MAEA: variants seen among roughly 807,000 people sequenced by gnomAD.
The protein encoded by MAEA is E3 ubiquitin-protein transferase MAEA.
In MAEA, 22 loss-of-function variants were observed where a neutral mutation model predicts 46.2. The ratio of observed to expected loss-of-function variants is 0.48; its 90% confidence interval spans 0.34 to 0.68. MAEA has a LOEUF of 0.68. Ranked by LOEUF, MAEA falls within the 30% of genes least tolerant of loss-of-function variation. The pLI, the probability that MAEA is intolerant of heterozygous loss-of-function variation, is 0.01. For synonymous variants in MAEA, 246 were observed against 222.6 expected, an observed-to-expected ratio of 1.11 and a Z score of -0.94; for missense variants, 393 against 558.1, an observed-to-expected ratio of 0.70 and a Z score of 2.98.
At position 1,315,481 on chromosome 4, in the gene MAEA, C is replaced by A. The variant is rs1449494794; in HGVS notation, c.337C>A (p.Gln113Lys). The stretch of plus-strand genomic sequence containing the variant: ...GCACCTCAAAGAGCATAGCAGCGAC[C>A]AGCCCGCGGCGGCCAGCGTGTGGAA... ...IEHLKEHSSD[Q>K]PAAASVWKRK... The change falls in exon 3 of 9, where the codon CAG becomes AAG. Residue 113 changes from glutamine to lysine, a missense_variant. By Grantham distance (53) the Gln-to-Lys change is moderately conservative. Transcript: ENST00000303400. 6.8e-6 allele frequency: 11 copies of A among 1,613,888 alleles called. No homozygotes were observed. The highest frequency in any genetic ancestry group is 7.6e-6 in the Non-Finnish European group (9 of 1,180,004).
chr4:1,338,880 G>T (rs536769959), intron 8 of MAEA, 194 bp from the exon 9 acceptor site: 3 of 658,736 alleles, frequency 4.6e-6, no homozygotes, highest in Non-Finnish European at 8.0e-6. Context: ...CCTTAGCTTC[G>T]TTCGAAATGG....
At chr4:1,300,558 C>T (rs912178044) in intron 1 of MAEA, among the ~76,000 whole-genome samples, 4 of 152,264 alleles carry the variant, frequency 2.6e-5, no homozygotes, top group African/African-American at 9.6e-5. Flanking sequence ...GGCACTGGAC[C>T]GCGTGGGGCA....
At chr4:1,304,576 G>C (rs1037832140) in intron 1 of MAEA, among the ~76,000 whole-genome samples, 1 of 152,110 alleles carries the variant, frequency 6.6e-6, no homozygotes, top group African/African-American at 2.4e-5. Flanking sequence ...GAGTAGTTGG[G>C]ACTACAGGCA....
In MAEA at chr4:1,293,014, C is replaced by T. The variant is rs1006923327; in HGVS notation, c.69+3032C>T. ...ATTCAAGCAATTCTCCTACCTCAGC[C>T]TCCCGAGTAGCTGAGATTACAGGCA... On this transcript the variant is annotated intron_variant, in intron 1 of 8. Coordinates refer to ENST00000303400, the MANE Select transcript of MAEA (RefSeq NM_001017405.3). Among the ~76,000 whole-genome samples, 13 of 151,854 alleles carry T rather than the reference C, an allele frequency of 8.6e-5. 2 individuals carry two copies. Among genetic ancestry groups the T allele is most frequent in the East Asian group, 1.9e-4 (1 of 5,172 alleles).
intron 7 of MAEA, 37 bp downstream of exon 7, chr4:1,337,031 G>C: frequency 6.2e-7 from 1 of 1,607,764 alleles, no homozygotes; most frequent in South Asian, 1.1e-5. Context: ...GTTTGGCCTG[G>C]GGTTGGCATC....
At chr4:1,315,748 C>T in intron 3 of MAEA, 148 bp downstream of exon 3, 3 of 564,650 alleles carry the variant, frequency 5.3e-6, no homozygotes, top group Admixed American at 5.3e-5. Context: ...TCCCCTCCCC[C>T]CACCCCCGTG....
At chr4:1,303,417 T>C in intron 1 of MAEA, among the ~76,000 whole-genome samples, 1 of 62,084 alleles carries the variant, frequency 1.6e-5, no homozygotes, top group Non-Finnish European at 3.2e-5. Context: ...AAAAAGAATG[T>C]CATGTCCTTC....
At position 1,312,077 on chromosome 4, in the gene MAEA, G is replaced by A; in HGVS notation, c.168G>A (p.Lys56=). The A allele has an allele frequency of 1.2e-6, 2 of 1,613,938 alleles. No individual in the cohort carries two copies. The highest frequency in any genetic ancestry group is 1.1e-5 in the South Asian group (1 of 91,092). ...CCATGGTGGTGGCCGAGCTGGAGAA[G>A]ACGTTGAGCGGCTGCCCCGCCGTGG... The part of the protein sequence containing the change: ...HVTMVVAELE[K]TLSGCPAVDS... The change falls in exon 2 of 9, where the codon AAG becomes AAA. Residue 56 remains lysine, a synonymous_variant. Transcript: ENST00000303400.
chr4:1,306,376 G>A (rs973530393), intron 1 of MAEA, among the ~76,000 whole-genome samples: 1 of 152,160 alleles, frequency 6.6e-6, no homozygotes, highest in African/African-American at 2.4e-5. Flanking sequence ...CTAACCGGGC[G>A]AGGTGGCAGG....
intron 4 of MAEA, chr4:1,323,556 C>G: frequency 1.4e-6 from 1 of 702,552 alleles, no homozygotes; most frequent in Non-Finnish European, 2.6e-6. Flanking sequence ...AGTAGCTCCC[C>G]TAAAGAGAGT....
Position 1,339,131 on chromosome 4 carries a change from T to G in MAEA, c.1153T>G (p.Phe385Val). The change falls in exon 9 of 9, where the codon TTC (phenylalanine) becomes GTC (valine). Residue 385 changes from phenylalanine (F) to valine (V), a missense_variant. Physicochemically the swap from Phe to Val is conservative, Grantham distance 50. Transcript: ENST00000303400. ...CGTGTGCCCGAGAACCAAAGAAGTC[T>G]TCCACTTCTCACAAGCCGAGAAGGT... ...KVVCPRTKEV[F>V]HFSQAEKVYI... is the part of the protein sequence containing the mutation. 1 of 1,613,960 alleles carries G rather than the reference T, an allele frequency of 6.2e-7. No individual in the cohort carries two copies. Among genetic ancestry groups the G allele is most frequent in the East Asian group, 2.2e-5 (1 of 44,870 alleles).
At position 1,332,810 on chromosome 4, in the gene MAEA, G is replaced by A. The variant is rs1463564323; in HGVS notation, c.710G>A (p.Arg237His). 5.0e-6 allele frequency: 8 copies of A among 1,613,238 alleles called. No individual in the cohort carries two copies. The highest frequency in any genetic ancestry group is 1.1e-5 in the South Asian group (1 of 91,038). Reference sequence around the variant, plus strand: ...GAAGGGAGCCAGCTGGACGAGGTGCGCCAGGCCATGGGCATGCTGGCCTTC... The same window carrying A: ...GAAGGGAGCCAGCTGGACGAGGTGCACCAGGCCATGGGCATGCTGGCCTTC... ...QAEGSQLDEV[R>H]QAMGMLAFPP... Residue 237 changes from arginine (R) to histidine (H), a missense_variant, in exon 6 of 9, where the codon CGC (arginine) becomes CAC (histidine). Around this residue, in one of 2 missense-constraint regions of MAEA, gnomAD observed 358 missense variants for 537.9 expected, o/e 0.67. Coordinates refer to ENST00000303400, the MANE Select transcript of MAEA (RefSeq NM_001017405.3).
chr4:1,291,555 CT>C (rs1734110260), intron 1 of MAEA, among the ~76,000 whole-genome samples: 1 of 152,180 alleles, frequency 6.6e-6, no homozygotes, highest in Non-Finnish European at 1.5e-5. Flanking sequence ...CCACTGACCA[CT>C]TTGTCTCACG....
intron 1 of MAEA, among the ~76,000 whole-genome samples, chr4:1,302,416 T>C (rs1159998301): frequency 6.6e-6 from 1 of 152,228 alleles, no homozygotes; most frequent in Non-Finnish European, 1.5e-5. Context: ...CATATATCTG[T>C]TAAGGGTTTA....
intron 1 of MAEA, among the ~76,000 whole-genome samples, chr4:1,300,623 G>A (rs994664373): frequency 4.6e-5 from 7 of 152,270 alleles, no homozygotes; most frequent in South Asian, 2.1e-4. Flanking sequence ...CGTGGCGTGC[G>A]TGTGTGCCGC....
At chr4:1,312,423 A>AT (rs34329974) in intron 2 of MAEA, 59,321 of 170,382 alleles carry the variant, frequency 0.35, 11,637 homozygotes, top group Non-Finnish European at 0.39. Context: ...AGGTTGATTG[A>AT]TTTTTTTTTT....
At chr4:1,306,898 C>G (rs1314233987) in intron 1 of MAEA, among the ~76,000 whole-genome samples, 3 of 152,168 alleles carry the variant, frequency 2.0e-5, no homozygotes, top group Non-Finnish European at 4.4e-5. Flanking sequence ...TGAGGGCCAT[C>G]CCTTCCCTGT....
Position 1,289,958 on chromosome 4 carries a change from G to C in MAEA, c.45G>C (p.Lys15Asn). ...ESAAQLSMTLKVQEYPTLKVP... is the reference protein window; with the variant it reads ...ESAAQLSMTLNVQEYPTLKVP... ...CGGCTCAGTTGTCCATGACCCTGAA[G>C]GTCCAGGAGTACCCGACCCTCAAGG... Residue 15 changes from lysine (K) to asparagine (N), a missense_variant, in exon 1 of 9, where the codon AAG (lysine) becomes AAC (asparagine). By Grantham distance (94) the Lys-to-Asn change is moderately conservative. This residue lies in a region of MAEA where 35 missense variants were observed against 20.1 expected (regional missense o/e 1.74). Transcript: ENST00000303400. 6.3e-7 allele frequency: 1 copy of C among 1,599,618 alleles called. No homozygotes were observed. The highest frequency in any genetic ancestry group is 8.5e-7 in the Non-Finnish European group (1 of 1,173,000).
intron 6 of MAEA, among the ~76,000 whole-genome samples, chr4:1,334,511 T>C (rs1177761597): frequency 6.6e-6 from 1 of 152,228 alleles, no homozygotes; most frequent in African/African-American, 2.4e-5. Flanking sequence ...TTTCTCTCGC[T>C]TGCTCTGGAG....
Sources: allele counts gnomAD v4.1 joint callset (sites outside exome capture counted in the v4.1 genomes callset), GRCh38; gene constraint gnomAD v4.1.1; regional missense constraint gnomAD v4.1.1; transcripts MANE v1.5; gene names NCBI Gene and HGNC (gene_info 2026-07-23, HGNC 2026-07-21).